FBXO3: variants seen among roughly 807,000 people sequenced by gnomAD.
The protein encoded by FBXO3 is F-box only protein 3.
In FBXO3, 17 loss-of-function variants were observed where a neutral mutation model predicts 64.8. That is an observed-to-expected ratio of 0.26 (90% confidence interval 0.18 to 0.39). The LOEUF (loss-of-function observed/expected upper bound fraction) is 0.39, where lower values mean the gene tolerates loss of function less well. Among genes scored for constraint, FBXO3 ranks in the 10% least tolerant of loss-of-function variants. The probability of loss-of-function intolerance (pLI) is 1.00; values close to 1 mark genes in which losing one functional copy is unlikely to be tolerated. For synonymous variants in FBXO3, 182 were observed against 201.6 expected (o/e 0.90, Z 0.82); for missense variants, 420 against 589.9 (o/e 0.71, Z 2.98).
rs754649976 is a variant in FBXO3, at chr11:33,755,982, A to G, written c.474-7T>C. 6.2e-7 allele frequency: 1 copy of G among 1,613,052 alleles called. No individual in the cohort carries two copies. Among genetic ancestry groups the G allele is most frequent in the Non-Finnish European group, 8.5e-7 (1 of 1,179,308 alleles). On this transcript the variant is annotated splice_polypyrimidine_tract_variant and splice_region_variant and intron_variant, in intron 4 of 10. Coordinates refer to ENST00000265651, the MANE Select transcript of FBXO3 (RefSeq NM_012175.4). ...TGCCATGCTTCCCAATAACCTGAGG[A>G]GCATACAGACTCAAACATGTAATAC...
intron 10 of FBXO3, chr11:33,742,289 T>A: frequency 2.6e-6 from 1 of 381,878 alleles, no homozygotes; most frequent in Non-Finnish European, 4.6e-6. Flanking sequence ...TAATGCTCAG[T>A]GTGATTTTTT....
intron 8 of FBXO3, 128 bp downstream of exon 8, chr11:33,750,411 C>T (rs1174588400): frequency 1.9e-6 from 2 of 1,039,720 alleles, no homozygotes; most frequent in Admixed American, 5.0e-5. Context: ...ATGTATCCAC[C>T]TTCCTCCAAA....
intron 2 of FBXO3, among the ~76,000 whole-genome samples, chr11:33,770,328 C>T (rs1855481354): frequency 2.0e-5 from 3 of 152,206 alleles, no homozygotes; most frequent in Admixed American, 1.3e-4. Flanking sequence ...TTTCTTCCAC[C>T]TTTCTCAACT....
chr11:33,750,478 A>G, intron 8 of FBXO3, 61 bp downstream of exon 8: 1 of 1,571,494 alleles, frequency 6.4e-7, no homozygotes, highest in Non-Finnish European at 8.7e-7. Flanking sequence ...GGACAATAGC[A>G]ACATGTCCAT....
intron 3 of FBXO3, among the ~76,000 whole-genome samples, chr11:33,759,765 TTAG>T (rs3042022): frequency 0.31 from 47,209 of 151,796 alleles, 7,755 homozygotes; most frequent in East Asian, 0.51. Flanking sequence ...GTTATTGGAG[TTAG>T]TAAACATGGA....
chr11:33,749,177 C>T (rs1336244969), intron 8 of FBXO3, among the ~76,000 whole-genome samples: 1 of 152,158 alleles, frequency 6.6e-6, no homozygotes, highest in African/African-American at 2.4e-5. Context: ...ATGGTGACAA[C>T]AATCTTTCGC....
At chr11:33,771,459 T>C (rs1283758056) in intron 1 of FBXO3, 1 of 152,244 alleles carries the variant, frequency 6.6e-6, no homozygotes, top group Non-Finnish European at 1.5e-5. Flanking sequence ...TCTTACTATA[T>C]AAAGATTTCT....
Position 33,748,840 on chromosome 11 carries a change from G to A in FBXO3, c.985C>T (p.Arg329Cys). 2 of 1,613,762 alleles carry A rather than the reference G, an allele frequency of 1.2e-6. No individual in the cohort carries two copies. Among genetic ancestry groups the A allele is most frequent in the Non-Finnish European group, 1.7e-6 (2 of 1,179,826 alleles). ...LPEKACQLDS[R>C]YWRITNAKGD... ...TTAGCATTTGTTATTCTCCAATAGC[G>A]ACTGTCCAACTGACAGGCCTTCTCA... The change falls in exon 9 of 11, where the codon CGC becomes TGC. Residue 329 changes from arginine to cysteine, a missense_variant. Arg to Cys is a radical substitution (Grantham distance 180, BLOSUM62 -3). This residue lies in a region of FBXO3 where 337 missense variants were observed against 518.4 expected (regional missense o/e 0.65). Coordinates refer to ENST00000265651, the MANE Select transcript of FBXO3 (RefSeq NM_012175.4).
intron 3 of FBXO3, among the ~76,000 whole-genome samples, chr11:33,763,874 C>G (rs775448174): frequency 5.9e-5 from 9 of 152,072 alleles, no homozygotes; most frequent in Non-Finnish European, 8.8e-5. Context: ...AAATTAAAAC[C>G]ACCACTATAC....
intron 9 of FBXO3, among the ~76,000 whole-genome samples, chr11:33,748,489 CA>C (rs1000432753): frequency 2.0e-5 from 3 of 151,960 alleles, no homozygotes; most frequent in Non-Finnish European, 4.4e-5. Flanking sequence ...CCCCAAGCTT[CA>C]AAAAACATGA....
chr11:33,755,802 C>T lies in FBXO3; in HGVS notation c.647G>A (p.Arg216Gln), dbSNP rs1197270078. ...TTGGTAGAAAACTTCATTTTTGTTTCGGCCCTCTGCAGCTTCCACTGCTAT... is the reference window on the plus strand; with the variant it reads ...TTGGTAGAAAACTTCATTTTTGTTTTGGCCCTCTGCAGCTTCCACTGCTAT... ...QYIAVEAAEGRNKNEVFYQCP... is the reference protein window; with the variant it reads ...QYIAVEAAEGQNKNEVFYQCP... Residue 216 changes from arginine to glutamine, a missense_variant, in exon 5 of 11, where the codon CGA becomes CAA. Physicochemically the swap from Arg to Gln is conservative, Grantham distance 43. Transcript: ENST00000265651. 1 of 1,613,992 alleles carries T rather than the reference C, an allele frequency of 6.2e-7. No individual in the cohort carries two copies. The highest frequency in any genetic ancestry group is 8.5e-7 in the Non-Finnish European group (1 of 1,179,940).
chr11:33,769,096 C>A lies in FBXO3; in HGVS notation c.195-82G>T, dbSNP rs140456524. The A allele has an allele frequency of 1.0e-3, 1,164 of 1,164,432 alleles. 10 individuals carry two copies. The African/African-American group carries it at 0.015, about 15-fold the overall frequency. 72.1% of individuals were successfully genotyped at this position (1,164,432 alleles called of 1,614,324 possible). On this transcript the variant is annotated intron_variant, in intron 2 of 10. Coordinates refer to ENST00000265651, the MANE Select transcript of FBXO3 (RefSeq NM_012175.4). ...TTTAGATACCTACAACATATAGAAA[C>A]TTGTACTTTTCCCTTCCTTTTCATT... is the stretch of plus-strand genomic sequence containing the variant.
In FBXO3 at chr11:33,757,656, T is replaced by TAAAAAAA. The variant is rs1170445394; in HGVS notation, c.473+824_473+830dup. Reference sequence around the variant, plus strand: ...GGCAACACACCAAGACACCATCTCTTAAAAAAAAAAAAAAAAAAAAAAAAA... The same window carrying TAAAAAAA: ...GGCAACACACCAAGACACCATCTCTTAAAAAAAAAAAAAAAAAAAAAAAAAAAAAAAA... On this transcript the variant is annotated intron_variant, in intron 4 of 10. Coordinates refer to ENST00000265651, the MANE Select transcript of FBXO3 (RefSeq NM_012175.4). Among the ~76,000 whole-genome samples, 20 of 23,978 alleles carry TAAAAAAA rather than the reference T, an allele frequency of 8.3e-4. 1 individual carries two copies. Among genetic ancestry groups the TAAAAAAA allele is most frequent in the African/African-American group, 2.3e-3 (15 of 6,440 alleles). 15.7% of individuals were successfully genotyped at this position (23,978 alleles called of 152,430 possible).
At chr11:33,750,475 A>T in intron 8 of FBXO3, 64 bp downstream of exon 8, 1 of 1,561,348 alleles carries the variant, frequency 6.4e-7, no homozygotes, top group Non-Finnish European at 8.8e-7. Context: ...ATGGGACAAT[A>T]GCAACATGTC....
At chr11:33,755,746 A>G in intron 5 of FBXO3, 25 bp downstream of exon 5, 1 of 1,567,362 alleles carries the variant, frequency 6.4e-7, no homozygotes, top group Non-Finnish European at 8.8e-7. Context: ...TCTTAATGCC[A>G]TATTTAAACA....
At chr11:33,774,287 G>T in intron 1 of FBXO3, 107 bp downstream of exon 1, 4 of 969,808 alleles carry the variant, frequency 4.1e-6, no homozygotes, top group Non-Finnish European at 4.7e-6. Context: ...TCACCTTCTG[G>T]TGTCGCGGAA....
intron 7 of FBXO3, 38 bp downstream of exon 7, chr11:33,751,484 TA>T: frequency 7.6e-7 from 1 of 1,319,860 alleles, no homozygotes; most frequent in Admixed American, 1.8e-5. Flanking sequence ...TTCTCTGATT[TA>T]CAATCATTTC....
chr11:33,749,581 C>A (rs1854903004), intron 8 of FBXO3, among the ~76,000 whole-genome samples: 1 of 152,074 alleles, frequency 6.6e-6, no homozygotes, highest in African/African-American at 2.4e-5. Context: ...CCAGGCTGGT[C>A]TTGAACTCCC....
intron 4 of FBXO3, among the ~76,000 whole-genome samples, chr11:33,757,304 G>C (rs932370900): frequency 4.6e-5 from 7 of 151,780 alleles, no homozygotes; most frequent in Admixed American, 3.9e-4. Context: ...CTGTGGGTGA[G>C]TTTTGATGAC....
Sources: allele counts gnomAD v4.1 joint callset (sites outside exome capture counted in the v4.1 genomes callset), GRCh38; gene constraint gnomAD v4.1.1; regional missense constraint gnomAD v4.1.1; transcripts MANE v1.5; gene names NCBI Gene and HGNC (gene_info 2026-07-23, HGNC 2026-07-21).